The following AP5Z1 variants were observed in gnomAD, a reference collection of about 807,000 sequenced individuals.
AP5Z1 encodes AP-5 complex subunit zeta-1.
Under a neutral mutation model 83.0 loss-of-function variants are expected in AP5Z1, and 106 were observed. That is an observed-to-expected ratio of 1.28 (90% CI 1.09 to 1.50). The LOEUF (loss-of-function observed/expected upper bound fraction) is 1.50. AP5Z1 is among the 40% of genes most tolerant of loss of function. The pLI, the probability that AP5Z1 is intolerant of heterozygous loss-of-function variation, is 0.00. For synonymous variants in AP5Z1, 751 were observed against 514.1 expected (o/e 1.46, Z -6.23); for missense variants, 1,565 against 1,094.2 (o/e 1.43, Z -6.07).
rs1285350010 is a variant in AP5Z1, at chr7:4,783,450, C to T, written c.501C>T (p.Thr167=). 5 of 1,612,282 alleles carry T rather than the reference C, an allele frequency of 3.1e-6. No homozygotes were observed. The highest frequency in any genetic ancestry group is 4.5e-5 in the East Asian group (2 of 44,840). Residue 167 remains threonine, a synonymous_variant, in exon 4 of 17, where the codon ACC becomes ACT. Coordinates refer to ENST00000649063, the MANE Select transcript of AP5Z1 (RefSeq NM_014855.3). ...MAKVVVLSPG[T]LQEDQATLLS... is the part of the protein sequence containing the mutation. ...AGGTCGTGGTCCTCAGCCCGGGCAC[C>T]CTCCAGGAGGGTACGCGGGGCCCCT...
rs1213712664 is a variant in AP5Z1 at position 4,783,346 on chromosome 7, G to C, written c.397G>C (p.Gly133Arg). 1.9e-6 allele frequency: 3 copies of C among 1,612,396 alleles called. No individual in the cohort carries two copies. Among genetic ancestry groups the C allele is most frequent in the Non-Finnish European group, 2.5e-6 (3 of 1,179,600 alleles). Residue 133 changes from glycine to arginine, a missense_variant, in exon 4 of 17, where the codon GGC becomes CGC. Physicochemically the swap from Gly to Arg is moderately radical, Grantham distance 125. Coordinates refer to ENST00000649063, the MANE Select transcript of AP5Z1 (RefSeq NM_014855.3). Reference protein sequence around the residue: ...GDRNEEVRAVGQGVLRALESR... With the variant: ...GDRNEEVRAVRQGVLRALESR... ...CAGAAACGAGGAGGTCAGAGCCGTG[G>C]GCCAGGGCGTGCTACGAGCGCTGGA... is the stretch of plus-strand genomic sequence containing the variant.
chr7:4,777,965 T>G (rs1223918451), intron 1 of AP5Z1, among the ~76,000 whole-genome samples: 1 of 152,252 alleles, frequency 6.6e-6, no homozygotes, highest in Non-Finnish European at 1.5e-5. Flanking sequence ...ACGCCTGTAA[T>G]CCGAACACTT....
rs1468067502 is a variant in AP5Z1, at chr7:4,793,700, C to G, written c.*2315C>G. The G allele has an allele frequency of 6.5e-6, 1 of 152,988 alleles. No individual in the cohort carries two copies. Among genetic ancestry groups the G allele is most frequent in the African/African-American group, 2.4e-5 (1 of 41,490 alleles). 9.5% of individuals were successfully genotyped at this position (152,988 alleles called of 1,614,324 possible). A position where few individuals can be genotyped will look rare whatever the true frequency, so the allele number is the denominator to read the frequency against. The stretch of plus-strand genomic sequence containing the variant: ...AGCAGCTGCTGTGCTCGATTTCTCA[C>G]TGGGCCTTAGCTGCCTTCCTGCGGG... On this transcript the variant is annotated 3_prime_UTR_variant, in exon 17 of 17. Transcript: ENST00000649063.
At position 4,791,631 on chromosome 7, in the gene AP5Z1, T is replaced by C; in HGVS notation, c.*246T>C. ...GCTGAGGGGTGCCATGGAGCGGCTC[T>C]GATTGGAGGCTTGAGGCCCTGTGGC... is the stretch of plus-strand genomic sequence containing the variant. On this transcript the variant is annotated 3_prime_UTR_variant, in exon 17 of 17. Coordinates refer to ENST00000649063, the MANE Select transcript of AP5Z1 (RefSeq NM_014855.3). 1.7e-6 allele frequency: 1 copy of C among 571,940 alleles called. No homozygotes were observed. 35.4% of individuals were successfully genotyped at this position (571,940 alleles called of 1,614,324 possible).
chr7:4,784,619 A>T (rs1781481992), intron 6 of AP5Z1, among the ~76,000 whole-genome samples: 1 of 152,116 alleles, frequency 6.6e-6, no homozygotes, highest in African/African-American at 2.4e-5. Context: ...CAATGTGCAG[A>T]TGTGAGAGCT....
Position 4,785,411 on chromosome 7 carries a change from C to T in AP5Z1, c.932-4C>T. 6.2e-7 allele frequency: 1 copy of T among 1,613,014 alleles called. No individual in the cohort carries two copies. Among genetic ancestry groups the T allele is most frequent in the Non-Finnish European group, 8.5e-7 (1 of 1,179,482 alleles). ...AGCCGGCTGACTTTTTCCCCTCCTT[C>T]CAGGAGCCCTGAGGAAGGGGGACTC... On this transcript the variant is annotated splice_polypyrimidine_tract_variant and splice_region_variant and intron_variant, in intron 7 of 16. Coordinates refer to ENST00000649063, the MANE Select transcript of AP5Z1 (RefSeq NM_014855.3).
rs748792824 is a variant in AP5Z1, at chr7:4,783,327, CGAG to C, written c.383_385del (p.Glu128del). On this transcript the variant is annotated inframe_deletion, in exon 4 of 17. Transcript: ENST00000649063. ...TGTTTGATTTGAAGGGTGACAGAAA[CGAG>C]GAGGTCAGAGCCGTGGGCCAGGGCG... 33 of 1,609,002 alleles carry C rather than the reference CGAG, an allele frequency of 2.1e-5. No individual in the cohort carries two copies. The highest frequency in any genetic ancestry group is 6.6e-5 in the South Asian group (6 of 90,450).
intron 3 of AP5Z1, 36 bp from the exon 4 acceptor site, chr7:4,783,280 G>A (rs1466405369): frequency 7.0e-6 from 11 of 1,560,516 alleles, no homozygotes; most frequent in Non-Finnish European, 9.6e-6. Flanking sequence ...TCTGGCACAG[G>A]CCAGTACCCC....
In AP5Z1 at chr7:4,791,136, G is replaced by A. The variant is rs1781756263; in HGVS notation, c.2175G>A (p.Lys725=). ...CCAGGGCCTCTTTATTGCTGTCAAA[G>A]ATGAGGACCCTGGCTCACAGTCCAG... ...LIPRASLLLS[K]MRTLAHSPAT... Residue 725 remains lysine (K), a synonymous_variant, in exon 17 of 17, where the codon AAG becomes AAA. Coordinates refer to ENST00000649063, the MANE Select transcript of AP5Z1 (RefSeq NM_014855.3). The A allele has an allele frequency of 6.2e-7, 1 of 1,605,346 alleles. No individual in the cohort carries two copies. The highest frequency in any genetic ancestry group is 1.1e-5 in the South Asian group (1 of 90,152).
At position 4,784,388 on chromosome 7, in the gene AP5Z1, GA is replaced by G; in HGVS notation, c.790+18del. 1 of 1,114,692 alleles carries G rather than the reference GA, an allele frequency of 9.0e-7. No homozygotes were observed. The highest frequency in any genetic ancestry group is 1.3e-6 in the Non-Finnish European group (1 of 784,880). 69.1% of individuals were successfully genotyped at this position (1,114,692 alleles called of 1,614,324 possible). A position where few individuals can be genotyped will look rare whatever the true frequency, so the allele number is the denominator to read the frequency against. On this transcript the variant is annotated intron_variant, in intron 6 of 16. Transcript: ENST00000649063. Reference sequence around the variant, plus strand: ...TGGACACAGGTGTGCGGGGTGGGGGGATGACGTCAGACAGGGGTGGGAGGTG... The same window carrying G: ...TGGACACAGGTGTGCGGGGTGGGGGGTGACGTCAGACAGGGGTGGGAGGTG...
rs1179512935 is a variant in AP5Z1 at position 4,790,754 on chromosome 7, C to T, written c.2020C>T (p.Leu674=). ...VEQINKFFEA[L]EALLFEVTQC... is the part of the protein sequence containing the mutation. The stretch of plus-strand genomic sequence containing the variant: ...GCAGATCAACAAGTTCTTCGAAGCC[C>T]TGGAGGCTCTGCTATTCGAGGTCAC... Residue 674 remains leucine, a synonymous_variant, in exon 16 of 17, where the codon CTG becomes TTG. Transcript: ENST00000649063. 2 of 1,609,196 alleles carry T rather than the reference C, an allele frequency of 1.2e-6. No homozygotes were observed.
intron 11 of AP5Z1, 101 bp downstream of exon 11, chr7:4,787,877 C>A (rs774185344): frequency 2.2e-6 from 3 of 1,368,204 alleles, no homozygotes; most frequent in Non-Finnish European, 2.9e-6. Context: ...CGGGGACCCT[C>A]CTTCTTCCCC....
In AP5Z1 at chr7:4,781,270, A is replaced by C; in HGVS notation, c.137A>C (p.Gln46Pro). ...DLGPDTLDSL[Q>P]RLFLIISATK... ...GGGCCGGACACCCTCGACTCCCTGC[A>C]GAGGCTCTTCCTCATCATCTCAGCC... is the stretch of plus-strand genomic sequence containing the variant. Residue 46 changes from glutamine (Q) to proline (P), a missense_variant, in exon 2 of 17, where the codon CAG becomes CCG. Transcript: ENST00000649063. The C allele has an allele frequency of 1.2e-6, 2 of 1,613,808 alleles. No individual in the cohort carries two copies. The highest frequency in any genetic ancestry group is 2.2e-5 in the South Asian group (2 of 91,080).
Position 4,791,192 on chromosome 7 carries a change from C to T in AP5Z1, c.2231C>T (p.Ala744Val), listed in dbSNP as rs776245278. Residue 744 changes from alanine to valine, a missense_variant, in exon 17 of 17, where the codon GCG becomes GTG. Physicochemically the swap from Ala to Val is moderately conservative, Grantham distance 64. Coordinates refer to ENST00000649063, the MANE Select transcript of AP5Z1 (RefSeq NM_014855.3). ...AGCTCCACGCACAGCGAGGAGGGCG[C>T]GGAAGCCATCCGTACCCGGGCCACA... ...ATSSTHSEEG[A>V]EAIRTRATEL... 2.0e-5 allele frequency: 32 copies of T among 1,612,412 alleles called. No individual in the cohort carries two copies. The highest frequency in any genetic ancestry group is 5.0e-5 in the Admixed American group (3 of 59,964).
chr7:4,790,761 C>T lies in AP5Z1; in HGVS notation c.2027C>T (p.Ala676Val). 6.2e-7 allele frequency: 1 copy of T among 1,609,044 alleles called. No homozygotes were observed. Among genetic ancestry groups the T allele is most frequent in the Non-Finnish European group, 8.5e-7 (1 of 1,178,694 alleles). The change falls in exon 16 of 17, where the codon GCT becomes GTT. Residue 676 changes from alanine (A) to valine (V), a missense_variant. Coordinates refer to ENST00000649063, the MANE Select transcript of AP5Z1 (RefSeq NM_014855.3). ...QINKFFEALE[A>V]LLFEVTQCRP... ...AACAAGTTCTTCGAAGCCCTGGAGG[C>T]TCTGCTATTCGAGGTCACCCAGTGC...
Position 4,783,547 on chromosome 7 carries a change from G to T in AP5Z1, c.511+87G>T, listed in dbSNP as rs11764272. On this transcript the variant is annotated intron_variant, in intron 4 of 16. Transcript: ENST00000649063. ...GCCCATGGTGGGTTGGGAGTGTGGGGGGCAGGTGGGGGACACGGGGAGGCC... is the reference window on the plus strand; with the variant it reads ...GCCCATGGTGGGTTGGGAGTGTGGGTGGCAGGTGGGGGACACGGGGAGGCC... 106,906 of 1,560,046 alleles carry T rather than the reference G, an allele frequency of 0.069. 4,685 individuals are homozygous for T. The highest frequency in any genetic ancestry group is 0.18 in the South Asian group (15,640 of 85,884).
In AP5Z1 at chr7:4,781,160, C is replaced by T. The variant is rs369322061; in HGVS notation, c.42-15C>T. 2.0e-5 allele frequency: 32 copies of T among 1,612,572 alleles called. No individual in the cohort carries two copies. The highest frequency in any genetic ancestry group is 6.7e-5 in the East Asian group (3 of 44,834). ...GCGAGTGCTTCTGGGTCCTGAAGTC[C>T]TCTTCTTTGTTTAGGGAGATCCAGG... On this transcript the variant is annotated splice_polypyrimidine_tract_variant and intron_variant, in intron 1 of 16. Transcript: ENST00000649063.
At position 4,785,743 on chromosome 7, in the gene AP5Z1, A is replaced by G. The variant is rs563857783; in HGVS notation, c.1132+59A>G. ...CTCTGCTTCTGCCTTTAGTTTTAGG[A>G]TGGAATTTCTTCTTCCCTTTTTTTT... is the stretch of plus-strand genomic sequence containing the variant. On this transcript the variant is annotated intron_variant, in intron 9 of 16. Transcript: ENST00000649063. 1,192 of 1,030,144 alleles carry G rather than the reference A, an allele frequency of 1.2e-3. 36 individuals carry two copies. In the Admixed American group the frequency reaches 0.035, roughly 30 times the overall value. The allele number at this position is 1,030,144 out of a possible 1,614,324, so 63.8% of individuals were successfully genotyped here. A position where few individuals can be genotyped will look rare whatever the true frequency, so the allele number is the denominator to read the frequency against.
At chr7:4,783,039 C>T (rs999304613) in intron 3 of AP5Z1, among the ~76,000 whole-genome samples, 5 of 152,222 alleles carry the variant, frequency 3.3e-5, no homozygotes, top group Non-Finnish European at 5.9e-5. Context: ...CGGCCAGGGC[C>T]ATGGTGGCCG....
Sources: allele counts gnomAD v4.1 joint callset (sites outside exome capture counted in the v4.1 genomes callset), GRCh38; gene constraint gnomAD v4.1.1; transcripts MANE v1.5; gene names NCBI Gene and HGNC (gene_info 2026-07-23, HGNC 2026-07-21).